The following SLC9A9 variants were observed in gnomAD, a reference collection of about 807,000 sequenced individuals.
SLC9A9 encodes the protein solute carrier family 9 member A9.
A neutral mutation model predicts 77.8 loss-of-function variants in SLC9A9; 62 were observed. The observed-to-expected ratio is 0.80, with a 90% CI of 0.65 to 0.98. The LOEUF is 0.98. Among genes scored for constraint, SLC9A9 ranks in the 50% least tolerant of loss-of-function variants. The pLI, the probability that SLC9A9 is intolerant of heterozygous loss-of-function variation, is 0.00. For synonymous variants in SLC9A9, 320 were observed against 283.5 expected (o/e 1.13, Z -1.29); for missense variants, 775 against 774.9 (o/e 1.00, Z 0.00).
intron 14 of SLC9A9, among the ~76,000 whole-genome samples, chr3:143,351,471 G>A (rs76791478): frequency 0.052 from 7,969 of 152,278 alleles, 286 homozygotes; most frequent in African/African-American, 0.09. Flanking sequence ...AGGCTAGGCC[G>A]AGAAGGAAGG....
At chr3:143,543,096 T>C (rs1334375448) in intron 9 of SLC9A9, among the ~76,000 whole-genome samples, 1 of 152,250 alleles carries the variant, frequency 6.6e-6, no homozygotes, top group East Asian at 1.9e-4. Flanking sequence ...GATGCTATCA[T>C]GGTTATCTTT....
chr3:143,517,114 AG>A, intron 9 of SLC9A9: 1 of 1,519,394 alleles, frequency 6.6e-7, no homozygotes, highest in East Asian at 2.2e-5. Context: ...ATTTATCAGA[AG>A]GGCATTACGC....
At chr3:143,319,959 T>C (rs1313811054) in intron 14 of SLC9A9, among the ~76,000 whole-genome samples, 1 of 152,234 alleles carries the variant, frequency 6.6e-6, no homozygotes, top group African/African-American at 2.4e-5. Context: ...TTATATGGGC[T>C]GGTGCTGTCA....
At chr3:143,736,663 A>C (rs1392343664) in intron 4 of SLC9A9, among the ~76,000 whole-genome samples, 1 of 152,164 alleles carries the variant, frequency 6.6e-6, no homozygotes, top group South Asian at 2.1e-4. Context: ...ATTTGTTCTT[A>C]GTTCTCATAA....
At chr3:143,433,946 T>C (rs539539818) in intron 12 of SLC9A9, among the ~76,000 whole-genome samples, 15 of 152,312 alleles carry the variant, frequency 9.8e-5, no homozygotes, top group South Asian at 2.1e-4. Context: ...TTTCACTGTC[T>C]ACCTCTCTAG....
At chr3:143,679,107 T>TAA (rs5853122) in intron 5 of SLC9A9, among the ~76,000 whole-genome samples, 5 of 150,420 alleles carry the variant, frequency 3.3e-5, no homozygotes, top group Admixed American at 6.6e-5. Context: ...CACACAGCAG[T>TAA]AAAAAAAAGC....
At chr3:143,364,088 A>C (rs2032829915) in intron 13 of SLC9A9, among the ~76,000 whole-genome samples, 1 of 152,160 alleles carries the variant, frequency 6.6e-6, no homozygotes, top group Non-Finnish European at 1.5e-5. Flanking sequence ...AGATTGCAAC[A>C]ATTGAATGTG....
At chr3:143,507,470 GT>G (rs1349014369) in intron 9 of SLC9A9, among the ~76,000 whole-genome samples, 1 of 152,060 alleles carries the variant, frequency 6.6e-6, no homozygotes, top group African/African-American at 2.4e-5. Context: ...GCCTCCCAAA[GT>G]GCTAGGATTA....
rs567876550 is a variant in SLC9A9 at position 143,379,168 on chromosome 3, G to C, written c.1524+2892C>G. Among the ~76,000 whole-genome samples, 6 of 152,220 alleles carry C rather than the reference G, an allele frequency of 3.9e-5. No homozygotes were observed. In the South Asian group the frequency reaches 8.3e-4, roughly 21 times the overall value. On this transcript the variant is annotated intron_variant, in intron 13 of 15. Transcript: ENST00000316549. ...ATGTGTTAAGGCTGCCCATTACAAA[G>C]ATTAACCTATTTGTTAATGCAAACC...
intron 15 of SLC9A9, 68 bp from the exon 16 acceptor site, chr3:143,266,997 T>C: frequency 7.4e-7 from 1 of 1,351,818 alleles, no homozygotes; most frequent in Non-Finnish European, 1.0e-6. Flanking sequence ...GTCCTACAAT[T>C]TTTTTTTTTT....
intron 4 of SLC9A9, among the ~76,000 whole-genome samples, chr3:143,750,802 TA>T (rs2006684913): frequency 2.0e-5 from 3 of 150,566 alleles, no homozygotes; most frequent in Non-Finnish European, 4.4e-5. Flanking sequence ...TCTCTTCTTT[TA>T]AAAAACAAAC....
chr3:143,615,996 T>C (rs2038098092), intron 6 of SLC9A9, among the ~76,000 whole-genome samples: 1 of 151,816 alleles, frequency 6.6e-6, no homozygotes, highest in Non-Finnish European at 1.5e-5. Context: ...TTCTCCTGCC[T>C]CAGCCTCCCA....
At chr3:143,624,180 A>G (rs1198378722) in intron 6 of SLC9A9, among the ~76,000 whole-genome samples, 1 of 152,244 alleles carries the variant, frequency 6.6e-6, no homozygotes, top group Admixed American at 6.5e-5. Flanking sequence ...AAATTCTACC[A>G]GAGGTACAAG....
At chr3:143,404,996 G>A (rs2033947403) in intron 12 of SLC9A9, among the ~76,000 whole-genome samples, 1 of 152,170 alleles carries the variant, frequency 6.6e-6, no homozygotes, top group African/African-American at 2.4e-5. Context: ...ATGGATCTTT[G>A]TGTGGCTTGG....
intron 9 of SLC9A9, chr3:143,517,789 C>T (rs559692576): frequency 1.3e-4 from 208 of 1,599,076 alleles, no homozygotes; most frequent in Middle Eastern, 2.2e-4. Context: ...ACAAAATGGC[C>T]AAGCAAGGAT....
intron 5 of SLC9A9, among the ~76,000 whole-genome samples, chr3:143,664,006 C>A (rs1467150846): frequency 6.6e-6 from 1 of 151,902 alleles, no homozygotes; most frequent in Non-Finnish European, 1.5e-5. Context: ...CTTGAGAAGA[C>A]CAACCCCGAG....
At chr3:143,640,551 C>A (rs906549592) in intron 6 of SLC9A9, among the ~76,000 whole-genome samples, 1 of 152,094 alleles carries the variant, frequency 6.6e-6, no homozygotes, top group African/African-American at 2.4e-5. Context: ...GAACTACCTC[C>A]TCCAACTTTC....
chr3:143,420,181 A>G (rs1052077418), intron 12 of SLC9A9, among the ~76,000 whole-genome samples: 4 of 152,192 alleles, frequency 2.6e-5, no homozygotes, highest in African/African-American at 9.6e-5. Flanking sequence ...CCAGACATTT[A>G]CTGGCTGTGT....
rs1189789995 is a variant in SLC9A9 at position 143,734,902 on chromosome 3, TA to T, written c.534-41596del. On this transcript the variant is annotated intron_variant, in intron 4 of 15. Coordinates refer to ENST00000316549, the MANE Select transcript of SLC9A9 (RefSeq NM_173653.4). The stretch of plus-strand genomic sequence containing the variant: ...CTAGATGGCTAAAGAAAATCCCAGG[TA>T]AGTCTCTTGTGGCTAAGGCATAATA... Among the ~76,000 whole-genome samples the T allele has an allele frequency of 3.9e-5, 6 of 152,264 alleles. No homozygotes were observed. The East Asian group carries it at 1.2e-3, about 29-fold the overall frequency.
Sources: allele counts gnomAD v4.1 joint callset (sites outside exome capture counted in the v4.1 genomes callset), GRCh38; gene constraint gnomAD v4.1.1; transcripts MANE v1.5; gene names NCBI Gene and HGNC (gene_info 2026-07-23, HGNC 2026-07-21).